MAST2: variants seen among roughly 807,000 people sequenced by gnomAD.
The protein encoded by MAST2 is microtubule-associated serine/threonine-protein kinase 2.
In MAST2, 70 loss-of-function variants were observed where a neutral mutation model predicts 147.4. That is an observed-to-expected ratio of 0.47 (90% CI 0.39 to 0.58). The LOEUF (loss-of-function observed/expected upper bound fraction) is 0.58. MAST2 is among the 20% of genes least tolerant of loss of function. The pLI, the probability that MAST2 is intolerant of heterozygous loss-of-function variation, is 0.00. For missense variants in MAST2, 2,080 were observed against 2,302.3 expected, an observed-to-expected ratio of 0.90 and a Z score of 1.98; for synonymous variants, 869 against 896.8, an observed-to-expected ratio of 0.97 and a Z score of 0.55.
In MAST2 at chr1:45,900,173, C is replaced by CAAAAAAAAAAA. The variant is rs59051138; in HGVS notation, c.500+17790_500+17800dup. Among the ~76,000 whole-genome samples the CAAAAAAAAAAA allele has an allele frequency of 6.6e-3, 355 of 54,026 alleles. 34 individuals carry two copies. Among genetic ancestry groups the CAAAAAAAAAAA allele is most frequent in the Middle Eastern group, 0.013 (1 of 78 alleles). The allele number at this position is 54,026 out of a possible 152,430, so 35.4% of individuals were successfully genotyped here. ...CGACAGAGCGAGACTCTCTCTCTCT[C>CAAAAAAAAAAA]AAAAAAAAAAAAAAAAAAAAAAGAT... On this transcript the variant is annotated intron_variant, in intron 4 of 28. Transcript: ENST00000361297.
intron 3 of MAST2, among the ~76,000 whole-genome samples, chr1:45,849,675 C>T (rs1269916743): frequency 2.0e-5 from 3 of 151,968 alleles, no homozygotes; most frequent in Admixed American, 1.3e-4. Flanking sequence ...TACAGGCGCC[C>T]GCCACCACAC....
At chr1:45,896,722 G>A (rs1433342582) in intron 4 of MAST2, among the ~76,000 whole-genome samples, 3 of 152,190 alleles carry the variant, frequency 2.0e-5, no homozygotes, top group Non-Finnish European at 4.4e-5. Context: ...GGAGTTGTAA[G>A]CCAGAAACCG....
At chr1:45,961,466 G>A (rs1660408255) in intron 5 of MAST2, among the ~76,000 whole-genome samples, 1 of 152,168 alleles carries the variant, frequency 6.6e-6, no homozygotes, top group Non-Finnish European at 1.5e-5. Context: ...TCCACAGTTA[G>A]CATTTAGAAC....
chr1:45,911,587 C>T (rs1651658348), intron 4 of MAST2, among the ~76,000 whole-genome samples: 1 of 151,956 alleles, frequency 6.6e-6, no homozygotes, highest in Admixed American at 6.6e-5. Context: ...ACACTTCTGG[C>T]TAGTATAATT....
At chr1:45,966,323 T>C (rs559802322) in intron 5 of MAST2, among the ~76,000 whole-genome samples, 34 of 152,136 alleles carry the variant, frequency 2.2e-4, no homozygotes, top group South Asian at 6.2e-4. Flanking sequence ...GCTATAAACA[T>C]CTGTGTATAG....
chr1:45,833,733 A>C (rs1243066758), intron 3 of MAST2, among the ~76,000 whole-genome samples: 1 of 152,094 alleles, frequency 6.6e-6, no homozygotes. Flanking sequence ...TTCTTTGAAG[A>C]AGTGTCTATT....
At chr1:45,972,066 A>G (rs899723634) in intron 5 of MAST2, among the ~76,000 whole-genome samples, 1 of 152,220 alleles carries the variant, frequency 6.6e-6, no homozygotes, top group Non-Finnish European at 1.5e-5. Context: ...CCAGCTGCCA[A>G]TTCCAGGTGA....
chr1:45,838,998 G>C (rs904357234), intron 3 of MAST2, among the ~76,000 whole-genome samples: 15 of 151,912 alleles, frequency 9.9e-5, no homozygotes, highest in East Asian at 3.9e-4. Flanking sequence ...CTTTGAGACA[G>C]GGTCTCACTC....
chr1:45,909,019 C>T (rs1001924332), intron 4 of MAST2, among the ~76,000 whole-genome samples: 1 of 152,156 alleles, frequency 6.6e-6, no homozygotes, highest in African/African-American at 2.4e-5. Context: ...GGAAGTTTGC[C>T]AATCTTTAGG....
At chr1:45,830,181 CTTT>C (rs11407885) in intron 3 of MAST2, among the ~76,000 whole-genome samples, 4 of 108,244 alleles carry the variant, frequency 3.7e-5, no homozygotes, top group Admixed American at 1.2e-4. Flanking sequence ...TTAATTGAAT[CTTT>C]TTTTTTTTTT....
rs759772559 is a variant in MAST2 at position 46,029,446 on chromosome 1, C to G, written c.2219-20C>G. On this transcript the variant is annotated intron_variant, in intron 18 of 28. Coordinates refer to ENST00000361297, the MANE Select transcript of MAST2 (RefSeq NM_015112.3). ...TCTACCCACAATTTCTCCTTTCCCT[C>G]TCACCCCTGATGACTTCAGATGAGA... is the stretch of plus-strand genomic sequence containing the variant. 7 of 1,597,660 alleles carry G rather than the reference C, an allele frequency of 4.4e-6. No individual in the cohort carries two copies. In the South Asian group the frequency reaches 4.4e-5, roughly 10 times the overall value.
rs150126556 is a variant in MAST2 at position 45,866,649 on chromosome 1, C to A, written c.469-15715C>A. Among the ~76,000 whole-genome samples, 17 of 152,266 alleles carry A rather than the reference C, an allele frequency of 1.1e-4. 1 individual carries two copies. In the East Asian group the frequency reaches 1.9e-3, roughly 17 times the overall value. On this transcript the variant is annotated intron_variant, in intron 3 of 28. Coordinates refer to ENST00000361297, the MANE Select transcript of MAST2 (RefSeq NM_015112.3). ...CTTCCTCTCGAGTCTTTGTTTCTAT[C>A]TAGCAGGAGTTCTAAACTGCCAGAT...
Position 46,029,452 on chromosome 1 carries a change from C to G in MAST2, c.2219-14C>G. 1 of 1,605,416 alleles carries G rather than the reference C, an allele frequency of 6.2e-7. No homozygotes were observed. Among genetic ancestry groups the G allele is most frequent in the South Asian group, 1.1e-5 (1 of 90,810 alleles). On this transcript the variant is annotated splice_polypyrimidine_tract_variant and intron_variant, in intron 18 of 28. Transcript: ENST00000361297. ...CACAATTTCTCCTTTCCCTCTCACC[C>G]CTGATGACTTCAGATGAGATTGTGT... is the stretch of plus-strand genomic sequence containing the variant.
intron 4 of MAST2, among the ~76,000 whole-genome samples, chr1:45,951,661 A>G (rs1315392712): frequency 6.6e-6 from 1 of 152,248 alleles, no homozygotes; most frequent in Non-Finnish European, 1.5e-5. Flanking sequence ...ACAAAAAGCT[A>G]ATTAGAATTC....
intron 3 of MAST2, among the ~76,000 whole-genome samples, chr1:45,849,362 A>G (rs1056038944): frequency 3.9e-5 from 6 of 152,118 alleles, no homozygotes; most frequent in African/African-American, 1.4e-4. Flanking sequence ...CCAAAACAGC[A>G]TGTTACTGGT....
chr1:45,998,934 G>T (rs1010996352), intron 6 of MAST2, among the ~76,000 whole-genome samples: 1 of 152,144 alleles, frequency 6.6e-6, no homozygotes, highest in Non-Finnish European at 1.5e-5. Flanking sequence ...GGGTTCCACC[G>T]TGTTAGCCAG....
At chr1:45,881,860 C>T (rs1267797449) in intron 3 of MAST2, among the ~76,000 whole-genome samples, 1 of 151,512 alleles carries the variant, frequency 6.6e-6, no homozygotes, top group African/African-American at 2.4e-5. Flanking sequence ...AATAGTTTGC[C>T]TGAGTGCTTT....
At chr1:45,857,700 A>G (rs1557838392) in intron 3 of MAST2, among the ~76,000 whole-genome samples, 2 of 152,214 alleles carry the variant, frequency 1.3e-5, no homozygotes, top group Non-Finnish European at 2.9e-5. Context: ...TGCTGCACCC[A>G]TTAACTTGTC....
chr1:45,850,398 A>AT (rs1240584371), intron 3 of MAST2, among the ~76,000 whole-genome samples: 3 of 152,118 alleles, frequency 2.0e-5, no homozygotes, highest in African/African-American at 7.2e-5. Flanking sequence ...GTAGGCTGTT[A>AT]ACTCTACTGA....
Sources: gnomAD v4.1 joint callset for allele counts (sites outside exome capture counted in the v4.1 genomes callset) on GRCh38, gnomAD v4.1.1 for gene constraint, MANE v1.5 for transcripts, NCBI Gene and HGNC (gene_info 2026-07-23, HGNC 2026-07-21) for gene names.